The following DHRSX variants were observed in gnomAD, a reference collection of about 807,000 sequenced individuals.
DHRSX encodes the protein dehydrogenase/reductase X-linked.
In DHRSX, 31 loss-of-function variants were observed where a neutral mutation model predicts 34.0. The ratio of observed to expected loss-of-function variants is 0.91; its 90% CI spans 0.69 to 1.23. The LOEUF (loss-of-function observed/expected upper bound fraction) is 1.23, where lower values mean the gene tolerates loss of function less well. Ranked by LOEUF, DHRSX falls within the 50% of genes most tolerant of loss-of-function variation. The pLI, the probability that DHRSX is intolerant of heterozygous loss-of-function variation, is 0.00. For missense variants in DHRSX, 414 were observed against 428.1 expected, an observed-to-expected ratio of 0.97 and a Z score of 0.29; for synonymous variants, 201 against 183.8, an observed-to-expected ratio of 1.09 and a Z score of -0.76.
chrX:2,255,992 G>C (rs746698357), intron 5 of DHRSX, among the ~76,000 whole-genome samples: 4 of 150,448 alleles, frequency 2.7e-5, no homozygotes, highest in Non-Finnish European at 4.4e-5. Context: ...AATAGAAAAT[G>C]ATTTTGGAAG....
intron 3 of DHRSX, among the ~76,000 whole-genome samples, chrX:2,404,689 T>C (rs1478687387): frequency 1.3e-5 from 2 of 152,200 alleles, no homozygotes; most frequent in Non-Finnish European, 2.9e-5. Context: ...ATTAAACAAC[T>C]GTCTTTGTTT....
chrX:2,302,255 G>A (rs1678571453), intron 3 of DHRSX, among the ~76,000 whole-genome samples: 1 of 152,128 alleles, frequency 6.6e-6, no homozygotes, highest in South Asian at 2.1e-4. Context: ...AAGCCCATCT[G>A]TACCAAGTCA....
intron 1 of DHRSX, chrX:2,486,978 G>A (rs1488455574): frequency 3.3e-5 from 5 of 152,276 alleles, no homozygotes; most frequent in East Asian, 3.9e-4. Flanking sequence ...GAGCTGAGTG[G>A]GGTCATCCCT....
intron 3 of DHRSX, among the ~76,000 whole-genome samples, chrX:2,305,546 T>C (rs2042088268): frequency 2.0e-5 from 3 of 152,072 alleles, no homozygotes; most frequent in Non-Finnish European, 4.4e-5. Flanking sequence ...CACATGTGTG[T>C]TTACTGCAGC....
chrX:2,282,626 G>GAA (rs1172856065), intron 4 of DHRSX, among the ~76,000 whole-genome samples: 2 of 126,538 alleles, frequency 1.6e-5, no homozygotes, highest in Non-Finnish European at 3.5e-5. Flanking sequence ...GGGAGGGAGA[G>GAA]AAGAAGGGAA....
chrX:2,404,734 C>A (rs781378051), intron 3 of DHRSX, among the ~76,000 whole-genome samples: 1 of 152,100 alleles, frequency 6.6e-6, no homozygotes, highest in Non-Finnish European at 1.5e-5. Flanking sequence ...CTACACAGAG[C>A]TCCCCCCGCC....
chrX:2,481,782 G>A (rs1356334584), intron 1 of DHRSX, among the ~76,000 whole-genome samples: 1 of 151,852 alleles, frequency 6.6e-6, no homozygotes, highest in Non-Finnish European at 1.5e-5. Flanking sequence ...GGAGGGCTGG[G>A]CCTGCTCAGG....
chrX:2,490,332 C>T, intron 1 of DHRSX: 3 of 1,613,166 alleles, frequency 1.9e-6, no homozygotes, highest in South Asian at 2.2e-5. Flanking sequence ...AGGCCCAGCA[C>T]GGCGGCCGTC....
intron 3 of DHRSX, among the ~76,000 whole-genome samples, chrX:2,367,502 T>A (rs2043008559): frequency 6.7e-6 from 1 of 149,798 alleles, no homozygotes; most frequent in Non-Finnish European, 1.5e-5. Flanking sequence ...TAGTTTTACA[T>A]TGAAGCTTCA....
intron 1 of DHRSX, among the ~76,000 whole-genome samples, chrX:2,443,194 C>A (rs2044084022): frequency 6.6e-6 from 1 of 151,944 alleles, no homozygotes; most frequent in African/African-American, 2.4e-5. Flanking sequence ...CCATGTCCAG[C>A]TAATTTTTTT....
At chrX:2,227,069 G>A (rs776393366) in intron 6 of DHRSX, among the ~76,000 whole-genome samples, 13 of 152,074 alleles carry the variant, frequency 8.5e-5, no homozygotes, top group Admixed American at 3.3e-4. Flanking sequence ...ATGTCTTTCC[G>A]GAAGGTGCAG....
intron 6 of DHRSX, among the ~76,000 whole-genome samples, chrX:2,235,669 G>A (rs929778525): frequency 2.7e-5 from 4 of 147,036 alleles, no homozygotes; most frequent in Non-Finnish European, 6.0e-5. Context: ...CTTGAACCCG[G>A]GAGGCAGGTG....
At chrX:2,399,700 C>T (rs924941763) in intron 3 of DHRSX, among the ~76,000 whole-genome samples, 8 of 135,934 alleles carry the variant, frequency 5.9e-5, no homozygotes, top group African/African-American at 1.7e-4. Context: ...AGCAAGACTC[C>T]GTCTCAAAAC....
chrX:2,404,047 A>T (rs1443219005), intron 3 of DHRSX, among the ~76,000 whole-genome samples: 1 of 152,150 alleles, frequency 6.6e-6, no homozygotes, highest in Non-Finnish European at 1.5e-5. Flanking sequence ...AAAAGCAAAA[A>T]GTCATGAGAA....
chrX:2,361,358 G>C (rs1293053821), intron 3 of DHRSX, among the ~76,000 whole-genome samples: 3 of 152,110 alleles, frequency 2.0e-5, no homozygotes, highest in Non-Finnish European at 4.4e-5. Flanking sequence ...ACCTGCCTCA[G>C]CCTCCCAAAG....
chrX:2,314,218 G>GA (rs1375801338), intron 3 of DHRSX, among the ~76,000 whole-genome samples: 5 of 18,652 alleles, frequency 2.7e-4, no homozygotes, highest in Admixed American at 9.8e-4. Context: ...GGGAGGGAAG[G>GA]AGGGAAGGAA....
At chrX:2,304,351 GGATGGATGGATA>G (rs1193868482) in intron 3 of DHRSX, among the ~76,000 whole-genome samples, 11 of 151,928 alleles carry the variant, frequency 7.2e-5, no homozygotes, top group Admixed American at 1.3e-4. Flanking sequence ...ATGGATGGAT[GGATGGATGGATA>G]GATGGATGGA....
chrX:2,249,844 A>G (rs2016395122), intron 5 of DHRSX, among the ~76,000 whole-genome samples: 1 of 151,552 alleles, frequency 6.6e-6, no homozygotes, highest in South Asian at 2.1e-4. Flanking sequence ...TTTTAGTAAC[A>G]TCACTACTTG....
chrX:2,489,607 G>A (rs771509152), intron 1 of DHRSX: 42 of 1,612,518 alleles, frequency 2.6e-5, no homozygotes, highest in Middle Eastern at 1.9e-4. Context: ...AGACCCCGGC[G>A]ATGACGAACT....
Sources: allele counts gnomAD v4.1 joint callset (sites outside exome capture counted in the v4.1 genomes callset), GRCh38; gene constraint gnomAD v4.1.1; transcripts MANE v1.5; gene names NCBI Gene and HGNC (gene_info 2026-07-23, HGNC 2026-07-21).